PLCB1: variants seen among roughly 807,000 people sequenced by gnomAD.
The protein encoded by PLCB1 is phospholipase C beta 1.
PLCB1 carries 46 observed loss-of-function variants against 161.8 expected under a neutral mutation model. The observed-to-expected ratio is 0.28, with a 90% CI of 0.22 to 0.36. PLCB1 has a LOEUF of 0.36. Among genes scored for constraint, PLCB1 ranks in the 10% least tolerant of loss-of-function variants. The pLI, the probability that PLCB1 is intolerant of heterozygous loss-of-function variation, is 1.00. For synonymous variants in PLCB1, 517 were observed against 503.7 expected (o/e 1.03, Z -0.35); for missense variants, 1,016 against 1,472.5 (o/e 0.69, Z 5.07).
At chr20:8,458,100 A>G (rs1981408497) in intron 3 of PLCB1, among the ~76,000 whole-genome samples, 1 of 152,150 alleles carries the variant, frequency 6.6e-6, no homozygotes, top group African/African-American at 2.4e-5. Context: ...CTAGATGTGA[A>G]CATCTGATGT....
Position 8,199,415 on chromosome 20 carries a change from A to G in PLCB1, c.177+49044A>G, listed in dbSNP as rs557467937. On this transcript the variant is annotated intron_variant, in intron 2 of 31. Transcript: ENST00000338037. The stretch of plus-strand genomic sequence containing the variant: ...TGTCTCTCAGAATAAAACTGCTCCA[A>G]TTTCAACTTCCACCATGAATGTATG... 1.4e-4 allele frequency among the ~76,000 whole-genome samples: 21 copies of G among 152,244 alleles called. No homozygotes were observed. In the East Asian group the frequency reaches 3.9e-3, roughly 28 times the overall value.
intron 2 of PLCB1, among the ~76,000 whole-genome samples, chr20:8,252,111 A>G (rs1981173045): frequency 6.6e-6 from 1 of 151,950 alleles, no homozygotes; most frequent in Non-Finnish European, 1.5e-5. Flanking sequence ...TGGTACATCT[A>G]TCATAGACTG....
At position 8,628,450 on chromosome 20, in the gene PLCB1, G is replaced by A; in HGVS notation, c.384+19G>A. On this transcript the variant is annotated intron_variant, in intron 4 of 31. Transcript: ENST00000338037. Reference sequence around the variant, plus strand: ...GGCCAAGGTATGGTGGATGGAAATTGCTAAAGCTTATCATCATGATCTGAA... The same window carrying A: ...GGCCAAGGTATGGTGGATGGAAATTACTAAAGCTTATCATCATGATCTGAA... 6.2e-7 allele frequency: 1 copy of A among 1,613,306 alleles called. No homozygotes were observed. The highest frequency in any genetic ancestry group is 1.1e-5 in the South Asian group (1 of 91,050).
intron 9 of PLCB1, among the ~76,000 whole-genome samples, chr20:8,662,585 A>G (rs1447569952): frequency 6.9e-6 from 1 of 145,766 alleles, no homozygotes; most frequent in Non-Finnish European, 1.5e-5. Context: ...TTAACATAAT[A>G]TCTAAATATA....
At chr20:8,240,235 C>T (rs775603860) in intron 2 of PLCB1, among the ~76,000 whole-genome samples, 14 of 150,928 alleles carry the variant, frequency 9.3e-5, no homozygotes, top group Non-Finnish European at 2.1e-4. Flanking sequence ...ACAGGTTAAC[C>T]GTTATCAGTT....
chr20:8,313,559 T>C (rs1984505783), intron 2 of PLCB1, among the ~76,000 whole-genome samples: 1 of 152,190 alleles, frequency 6.6e-6, no homozygotes, highest in Non-Finnish European at 1.5e-5. Context: ...AATATGTGAA[T>C]GCTGGGAGGA....
intron 3 of PLCB1, among the ~76,000 whole-genome samples, chr20:8,527,957 G>A (rs722665): frequency 0.65 from 99,424 of 151,836 alleles, 33,223 homozygotes; most frequent in African/African-American, 0.79. Flanking sequence ...TATGTATATG[G>A]AGGTGTTCAA....
At chr20:8,302,303 A>T (rs569479315) in intron 2 of PLCB1, among the ~76,000 whole-genome samples, 1 of 152,300 alleles carries the variant, frequency 6.6e-6, no homozygotes, top group Admixed American at 6.5e-5. Flanking sequence ...ACTAAACTTA[A>T]TTTTTTATGG....
At chr20:8,690,049 T>A (rs1027150122) in intron 10 of PLCB1, among the ~76,000 whole-genome samples, 1 of 149,202 alleles carries the variant, frequency 6.7e-6, no homozygotes, top group Non-Finnish European at 1.5e-5. Context: ...ATTTAATTTC[T>A]AGTACTGTTA....
At chr20:8,853,313 A>G (rs1272721139) in intron 31 of PLCB1, among the ~76,000 whole-genome samples, 3 of 152,156 alleles carry the variant, frequency 2.0e-5, no homozygotes, top group African/African-American at 7.2e-5. Flanking sequence ...TGAAATTACC[A>G]CTTGTGTCAA....
chr20:8,170,357 A>G (rs930085071), intron 2 of PLCB1, among the ~76,000 whole-genome samples: 1 of 152,156 alleles, frequency 6.6e-6, no homozygotes, highest in East Asian at 1.9e-4. Context: ...CTATTTAAAA[A>G]CAGAGGTAAA....
chr20:8,266,478 A>G (rs929019877), intron 2 of PLCB1, among the ~76,000 whole-genome samples: 1 of 152,208 alleles, frequency 6.6e-6, no homozygotes, highest in Admixed American at 6.5e-5. Context: ...TTCTTCTTGA[A>G]TCGAGTCAGC....
rs1018596939 is a variant in PLCB1 at position 8,628,393 on chromosome 20, C to T, written c.346C>T (p.His116Tyr). The T allele has an allele frequency of 3.1e-6, 5 of 1,613,952 alleles. No individual in the cohort carries two copies. In the African/African-American group the frequency reaches 6.7e-5, roughly 22 times the overall value. ...TGGGCCTGACCTCGTGAACATCTCC[C>T]ATTTGAATCTCGTGGCTTTCCAAGA... ...VYGPDLVNIS[H>Y]LNLVAFQEEV... The change falls in exon 4 of 32, where the codon CAT becomes TAT. Residue 116 changes from histidine to tyrosine, a missense_variant. Physicochemically the swap from His to Tyr is moderately conservative, Grantham distance 83. Coordinates refer to ENST00000338037, the MANE Select transcript of PLCB1 (RefSeq NM_015192.4).
intron 31 of PLCB1, among the ~76,000 whole-genome samples, chr20:8,796,728 CCTT>C (rs1263456871): frequency 6.6e-6 from 1 of 152,166 alleles, no homozygotes; most frequent in Admixed American, 6.5e-5. Flanking sequence ...TGTTTACTCT[CCTT>C]CTGGGCAATA....
intron 2 of PLCB1, among the ~76,000 whole-genome samples, chr20:8,218,577 A>C (rs1156385534): frequency 6.6e-6 from 1 of 152,060 alleles, no homozygotes; most frequent in Non-Finnish European, 1.5e-5. Context: ...TATTTTGAAG[A>C]TTAAATAAGT....
rs1169253208 is a variant in PLCB1, at chr20:8,727,766, TATATA to T, written c.1763+375_1763+379del. ...AACATGAGTGTGCATACTTTACACA[TATATA>T]AGATATATGTAAAGAAATATATACC... On this transcript the variant is annotated intron_variant, in intron 17 of 31. Coordinates refer to ENST00000338037, the MANE Select transcript of PLCB1 (RefSeq NM_015192.4). Among the ~76,000 whole-genome samples the T allele has an allele frequency of 4.6e-5, 7 of 152,194 alleles. No individual in the cohort carries two copies. The East Asian group carries it at 5.8e-4, about 13-fold the overall frequency.
At chr20:8,133,337 C>T (rs1028745665) in intron 1 of PLCB1, among the ~76,000 whole-genome samples, 3 of 152,038 alleles carry the variant, frequency 2.0e-5, no homozygotes, top group East Asian at 3.9e-4. Flanking sequence ...AAAAGGGCTG[C>T]GGGGACACAT....
At chr20:8,453,165 T>C (rs1022292408) in intron 3 of PLCB1, among the ~76,000 whole-genome samples, 4 of 152,214 alleles carry the variant, frequency 2.6e-5, no homozygotes, top group Admixed American at 1.3e-4. Flanking sequence ...AACTACTCTT[T>C]CACTGCACTA....
chr20:8,834,836 AAC>A (rs1491396043), intron 31 of PLCB1, among the ~76,000 whole-genome samples: 27 of 136,076 alleles, frequency 2.0e-4, no homozygotes, highest in Admixed American at 3.0e-4. Context: ...AAAAAAAAAA[AAC>A]CACAGGCTGC....
Sources: gnomAD v4.1 joint callset for allele counts (sites outside exome capture counted in the v4.1 genomes callset) on GRCh38, gnomAD v4.1.1 for gene constraint, MANE v1.5 for transcripts, NCBI Gene and HGNC (gene_info 2026-07-23, HGNC 2026-07-21) for gene names.